The following DRC11 variants were observed in gnomAD, a reference collection of about 807,000 sequenced individuals.
DRC11 encodes the protein IQ and AAA domain-containing protein 1.
At chr2:236,367,088 G>A in the DRC11 span, among the ~76,000 whole-genome samples, 1 of 150,052 alleles carries the variant, frequency 6.7e-6, no homozygotes, top group Non-Finnish European at 1.5e-5. This position sits in a 1 kb window ranked among gnomAD's most constrained non-coding sequence, Gnocchi z 4.8. Flanking sequence ...CCAAAGTGCT[G>A]GGATTACATG....
the DRC11 span, chr2:236,465,456 C>G: frequency 6.8e-7 from 1 of 1,480,040 alleles, no homozygotes; most frequent in African/African-American, 1.4e-5. This position sits in a 1 kb window ranked among gnomAD's most constrained non-coding sequence, Gnocchi z 6.2. Context: ...ACAATAACCT[C>G]AGCCACTAAA....
the DRC11 span, among the ~76,000 whole-genome samples, chr2:236,366,360 A>T: frequency 1.3e-5 from 2 of 152,216 alleles, no homozygotes; most frequent in Non-Finnish European, 2.9e-5. Flanking sequence ...CATCAAGGTG[A>T]TCTAAACAAC....
the DRC11 span, among the ~76,000 whole-genome samples, chr2:236,460,909 C>G: frequency 6.6e-5 from 10 of 152,098 alleles, no homozygotes; most frequent in Non-Finnish European, 1.3e-4. This position sits in a 1 kb window ranked among gnomAD's most constrained non-coding sequence, Gnocchi z 4.0. Context: ...CGTCCGCCAC[C>G]ATGTCAAGCT....
At chr2:236,342,132 A>G in the DRC11 span, among the ~76,000 whole-genome samples, 1 of 152,130 alleles carries the variant, frequency 6.6e-6, no homozygotes, top group Non-Finnish European at 1.5e-5. The surrounding 1 kb of genome is among the most constrained non-coding windows in gnomAD (Gnocchi z 5.8). Context: ...GCATTCAGTC[A>G]CTGGATTTTC....
At chr2:236,387,993 ACTCTC>A in the DRC11 span, among the ~76,000 whole-genome samples, 3 of 150,958 alleles carry the variant, frequency 2.0e-5, no homozygotes, top group African/African-American at 4.9e-5. Context: ...ATTGGCCCCC[ACTCTC>A]TTCTCGCTTG....
the DRC11 span, among the ~76,000 whole-genome samples, chr2:236,358,292 G>A: frequency 7.9e-6 from 1 of 126,978 alleles, no homozygotes; most frequent in South Asian, 2.3e-4. Context: ...TATACTATAT[G>A]AATATATATA....
the DRC11 span, among the ~76,000 whole-genome samples, chr2:236,480,317 G>A: frequency 6.6e-6 from 1 of 151,954 alleles, no homozygotes; most frequent in Non-Finnish European, 1.5e-5. Flanking sequence ...TTATTTATTT[G>A]AATAAGGCTT....
chr2:236,357,159 C>CGT, the DRC11 span, among the ~76,000 whole-genome samples: 1,357 of 83,270 alleles, frequency 0.016, 46 homozygotes, highest in African/African-American at 0.022. Context: ...ATTATGTATT[C>CGT]ATATATATCT....
At chr2:236,403,972 CGAA>C in the DRC11 span, among the ~76,000 whole-genome samples, 1 of 151,970 alleles carries the variant, frequency 6.6e-6, no homozygotes, top group Non-Finnish European at 1.5e-5. Context: ...CACGTTTCCC[CGAA>C]TAGAAACCAG....
At chr2:236,359,542 G>A in the DRC11 span, among the ~76,000 whole-genome samples, 1 of 152,120 alleles carries the variant, frequency 6.6e-6, no homozygotes, top group African/African-American at 2.4e-5. The surrounding 1 kb of genome is among the most constrained non-coding windows in gnomAD (Gnocchi z 4.3). Context: ...TCTCTAGGAA[G>A]AATCCATGAG....
chr2:236,331,292 T>A, the DRC11 span: 2 of 1,151,384 alleles, frequency 1.7e-6, no homozygotes, highest in Non-Finnish European at 2.6e-6. The surrounding 1 kb of genome is among the most constrained non-coding windows in gnomAD (Gnocchi z 4.8). Context: ...CCCACGGAAC[T>A]GCAGAGGGAG....
At chr2:236,425,520 C>A in the DRC11 span, among the ~76,000 whole-genome samples, 2 of 151,864 alleles carry the variant, frequency 1.3e-5, no homozygotes, top group South Asian at 4.1e-4. Flanking sequence ...TCTTTAAATT[C>A]TTTATATATT....
chr2:236,415,913 A>C, the DRC11 span, among the ~76,000 whole-genome samples: 2 of 152,200 alleles, frequency 1.3e-5, no homozygotes, highest in African/African-American at 4.8e-5. The surrounding 1 kb of genome is among the most constrained non-coding windows in gnomAD (Gnocchi z 5.7). Flanking sequence ...AATTCTCTTT[A>C]TTCTTAGGCA....
chr2:236,439,075 A>G, the DRC11 span, among the ~76,000 whole-genome samples: 12 of 151,122 alleles, frequency 7.9e-5, no homozygotes, highest in African/African-American at 2.9e-4. Flanking sequence ...AGCAGTGTGT[A>G]GAGGGAAATT....
chr2:236,497,586 C>G, the DRC11 span: 19 of 767,226 alleles, frequency 2.5e-5, no homozygotes, highest in East Asian at 2.1e-4. The surrounding 1 kb of genome is among the most constrained non-coding windows in gnomAD (Gnocchi z 5.1). Context: ...AACACAGAAT[C>G]AAGTGTGAGC....
the DRC11 span, among the ~76,000 whole-genome samples, chr2:236,379,305 CAG>C: frequency 1.5e-5 from 2 of 129,688 alleles, no homozygotes; most frequent in African/African-American, 6.4e-5. Context: ...AACCCCCAAA[CAG>C]GGGAGCGACA....
chr2:236,372,106 C>T, the DRC11 span, among the ~76,000 whole-genome samples: 2 of 152,056 alleles, frequency 1.3e-5, no homozygotes, highest in Admixed American at 6.5e-5. This position sits in a 1 kb window ranked among gnomAD's most constrained non-coding sequence, Gnocchi z 4.5. Flanking sequence ...TGCTTTCGAC[C>T]GCAGCATTTA....
At chr2:236,325,354 T>C in the DRC11 span, among the ~76,000 whole-genome samples, 5 of 152,228 alleles carry the variant, frequency 3.3e-5, no homozygotes, top group African/African-American at 9.6e-5. This position sits in a 1 kb window ranked among gnomAD's most constrained non-coding sequence, Gnocchi z 4.4. Flanking sequence ...TTATATTACA[T>C]GTTATTTATC....
At chr2:236,493,620 T>C in the DRC11 span, 1 of 548,422 alleles carries the variant, frequency 1.8e-6, no homozygotes, top group Non-Finnish European at 3.0e-6. Context: ...CCAAAAGTTA[T>C]GCAACTTCTT....
Sources: gnomAD v4.1 joint callset for allele counts (sites outside exome capture counted in the v4.1 genomes callset) on GRCh38, gnomAD v4.1.1 for gene constraint, Gnocchi (gnomAD v3.1) non-coding constraint, MANE v1.5 for transcripts, NCBI Gene and HGNC (gene_info 2026-07-23, HGNC 2026-07-21) for gene names.